The following LINGO2 variants were observed in gnomAD, a reference collection of about 807,000 sequenced individuals.
LINGO2 encodes leucine rich repeat and Ig domain containing 2.
A neutral mutation model predicts 30.6 loss-of-function variants in LINGO2; 14 were observed. The observed-to-expected ratio is 0.46, with a 90% CI of 0.30 to 0.72. LINGO2 has a LOEUF of 0.72. Among genes scored for constraint, LINGO2 ranks in the 30% least tolerant of loss-of-function variants. The probability of loss-of-function intolerance (pLI) is 0.07; values close to 1 mark genes in which losing one functional copy is unlikely to be tolerated. For missense variants in LINGO2, 729 were observed against 751.7 expected, an observed-to-expected ratio of 0.97 and a Z score of 0.35; for synonymous variants, 317 against 288.5, an observed-to-expected ratio of 1.10 and a Z score of -1.00.
At chr9:28,199,292 G>A (rs2133811304) in intron 4 of LINGO2, among the ~76,000 whole-genome samples, 1 of 151,260 alleles carries the variant, frequency 6.6e-6, no homozygotes, top group South Asian at 2.1e-4. Flanking sequence ...TTTCTCTAAT[G>A]TACTCATAAA....
intron 4 of LINGO2, among the ~76,000 whole-genome samples, chr9:28,192,228 C>T (rs1564031303): frequency 6.6e-6 from 1 of 151,960 alleles, no homozygotes; most frequent in Non-Finnish European, 1.5e-5. Flanking sequence ...TACATACATG[C>T]TCATAGTCAC....
rs1297699753 is a variant in LINGO2, at chr9:28,198,143, CAT to C, written c.-87+97063_-87+97064del. 3.4e-5 allele frequency among the ~76,000 whole-genome samples: 5 copies of C among 147,120 alleles called. No homozygotes were observed. In the East Asian group the frequency reaches 1.0e-3, roughly 30 times the overall value. ...CTACAGATATATATTTGAGGAACAACATTGAGAAATTTCAGGAAAAAAAAACT... is the reference window on the plus strand; with the variant it reads ...CTACAGATATATATTTGAGGAACAACTGAGAAATTTCAGGAAAAAAAAACT... On this transcript the variant is annotated intron_variant, in intron 4 of 5. Coordinates refer to ENST00000379992, the Ensembl canonical transcript of LINGO2.
chr9:29,164,187 T>G, the LINGO2 span, among the ~76,000 whole-genome samples: 4 of 152,044 alleles, frequency 2.6e-5, no homozygotes, highest in African/African-American at 9.7e-5. Flanking sequence ...GTCAATCATG[T>G]GAGTGAGTTA....
chr9:28,081,805 C>T (rs77202177), intron 4 of LINGO2, among the ~76,000 whole-genome samples: 229 of 149,156 alleles, frequency 1.5e-3, no homozygotes, highest in Non-Finnish European at 2.8e-3. Context: ...ATGTGTAGCA[C>T]ACTCTCTTTG....
At chr9:28,307,276 T>C (rs1587434338) in intron 3 of LINGO2, among the ~76,000 whole-genome samples, 1 of 152,144 alleles carries the variant, frequency 6.6e-6, no homozygotes, top group Admixed American at 6.5e-5. Flanking sequence ...TGGTTCAATA[T>C]ATGTAAATCA....
At position 28,038,265 on chromosome 9, in the gene LINGO2, C is replaced by T. The variant is rs542016643; in HGVS notation, c.-86-25860G>A. On this transcript the variant is annotated intron_variant, in intron 4 of 5. Coordinates refer to ENST00000379992, the Ensembl canonical transcript of LINGO2. ...ATTAAGTGGATGGGGAAAAGAAAAC[C>T]ACTATGAGACCAGAAGGGGCCTCTA... 2.0e-5 allele frequency among the ~76,000 whole-genome samples: 3 copies of T among 151,968 alleles called. No individual in the cohort carries two copies. The South Asian group carries it at 6.2e-4, about 31-fold the overall frequency.
At chr9:28,540,195 T>C (rs933112680) in intron 1 of LINGO2, among the ~76,000 whole-genome samples, 1 of 151,954 alleles carries the variant, frequency 6.6e-6, no homozygotes, top group Non-Finnish European at 1.5e-5. Context: ...TGGTGAACTC[T>C]CCCTTTATAC....
the LINGO2 span, among the ~76,000 whole-genome samples, chr9:29,038,950 C>T: frequency 1.3e-5 from 2 of 152,114 alleles, no homozygotes; most frequent in African/African-American, 4.8e-5. Context: ...CTTGTCATTG[C>T]TCATTAGGCT....
intron 1 of LINGO2, among the ~76,000 whole-genome samples, chr9:28,512,591 G>GTATATATATATA (rs1262344382): frequency 2.5e-4 from 4 of 15,826 alleles, no homozygotes; most frequent in Admixed American, 7.9e-4. Flanking sequence ...ATATATATGT[G>GTATATATATATA]TGTATATATA....
the LINGO2 span, among the ~76,000 whole-genome samples, chr9:29,064,670 C>T: frequency 6.6e-6 from 1 of 151,894 alleles, no homozygotes; most frequent in Non-Finnish European, 1.5e-5. Flanking sequence ...TTAAATAATA[C>T]ATACAGTTAT....
chr9:28,333,710 G>A (rs754445902), intron 3 of LINGO2, among the ~76,000 whole-genome samples: 1 of 152,050 alleles, frequency 6.6e-6, no homozygotes, highest in South Asian at 2.1e-4. Flanking sequence ...CGTCAGGGCC[G>A]TGCCATATCC....
intron 5 of LINGO2, among the ~76,000 whole-genome samples, chr9:27,965,354 C>A (rs772083936): frequency 6.6e-6 from 1 of 151,010 alleles, no homozygotes; most frequent in Admixed American, 6.6e-5. Flanking sequence ...AAATACCTCT[C>A]ATTGCAAATA....
At chr9:29,065,989 CA>C in the LINGO2 span, among the ~76,000 whole-genome samples, 1 of 151,706 alleles carries the variant, frequency 6.6e-6, no homozygotes, top group Admixed American at 6.6e-5. Context: ...AAGTTAAAGG[CA>C]GAAGAGAGAA....
At chr9:28,629,657 A>G (rs1393818789) in intron 1 of LINGO2, among the ~76,000 whole-genome samples, 1 of 152,118 alleles carries the variant, frequency 6.6e-6, no homozygotes, top group African/African-American at 2.4e-5. Flanking sequence ...TTAGAATACA[A>G]TAATGTATAA....
At chr9:28,171,854 AAC>A (rs1828593657) in intron 4 of LINGO2, among the ~76,000 whole-genome samples, 1 of 149,548 alleles carries the variant, frequency 6.7e-6, no homozygotes, top group African/African-American at 2.5e-5. Context: ...TGAAAAAAAA[AAC>A]AAAAAACCAA....
At chr9:29,076,025 C>T in the LINGO2 span, among the ~76,000 whole-genome samples, 1 of 148,132 alleles carries the variant, frequency 6.8e-6, no homozygotes, top group African/African-American at 2.5e-5. Flanking sequence ...TGCACCACCA[C>T]ATCTGATTTT....
intron 1 of LINGO2, among the ~76,000 whole-genome samples, chr9:28,547,174 T>C (rs1821993454): frequency 6.6e-6 from 1 of 152,136 alleles, no homozygotes; most frequent in East Asian, 1.9e-4. Context: ...TACCAGCTAG[T>C]TTATTTGTGA....
the LINGO2 span, among the ~76,000 whole-genome samples, chr9:28,866,530 G>C: frequency 6.6e-6 from 1 of 152,098 alleles, no homozygotes; most frequent in East Asian, 1.9e-4. Flanking sequence ...TATTTTCCAA[G>C]TTCTAAGGCT....
the LINGO2 span, among the ~76,000 whole-genome samples, chr9:28,898,997 G>A: frequency 1.3e-3 from 204 of 152,246 alleles, no homozygotes; most frequent in African/African-American, 4.7e-3. Flanking sequence ...TCAGCAATAG[G>A]TGGAGTAGGA....
Sources: gnomAD v4.1 joint callset for allele counts (sites outside exome capture counted in the v4.1 genomes callset) on GRCh38, gnomAD v4.1.1 for gene constraint, MANE v1.5 for transcripts, NCBI Gene and HGNC (gene_info 2026-07-23, HGNC 2026-07-21) for gene names.